Variants in SBF2 observed in about 807,000 individuals in gnomAD.
The protein encoded by SBF2 is myotubularin-related protein 13.
A neutral mutation model predicts 225.2 loss-of-function variants in SBF2; 112 were observed. The observed-to-expected ratio is 0.50, with a 90% CI of 0.43 to 0.58. The LOEUF is 0.58. Ranked by LOEUF, SBF2 falls within the 20% of genes least tolerant of loss-of-function variation. The pLI is 0.00. For missense variants in SBF2, 1,996 were observed against 2,206.2 expected (o/e 0.90, Z 1.91); for synonymous variants, 763 against 773.3 (o/e 0.99, Z 0.22).
chr11:10,134,498 T>C lies in SBF2; in HGVS notation c.141+59404A>G, dbSNP rs1167742704. Among the ~76,000 whole-genome samples, 6 of 152,230 alleles carry C rather than the reference T, an allele frequency of 3.9e-5. No homozygotes were observed. In the East Asian group the frequency reaches 7.7e-4, roughly 20 times the overall value. On this transcript the variant is annotated intron_variant, in intron 2 of 39. Transcript: ENST00000256190. The stretch of plus-strand genomic sequence containing the variant: ...AAAGTCTCATCAGAGACAAGGCAAG[T>C]CCTTTCTGCCTATGAGCCTGTAAAA...
chr11:10,242,779 T>C (rs776959719), intron 1 of SBF2, among the ~76,000 whole-genome samples: 8 of 151,508 alleles, frequency 5.3e-5, no homozygotes, highest in Non-Finnish European at 5.9e-5. Context: ...AAGGGAAAAC[T>C]GAATACAGGA....
At chr11:9,925,299 TA>T (rs200706270) in intron 16 of SBF2, among the ~76,000 whole-genome samples, 1 of 152,134 alleles carries the variant, frequency 6.6e-6, no homozygotes, top group South Asian at 2.1e-4. Flanking sequence ...TATATATATA[TA>T]TTTTTAGATG....
In SBF2 at chr11:9,817,954, A is replaced by AT. The variant is rs557534143; in HGVS notation, c.3794-931dup. Among the ~76,000 whole-genome samples the AT allele has an allele frequency of 5.4e-3, 815 of 151,868 alleles. 4 individuals are homozygous for AT. Among genetic ancestry groups the AT allele is most frequent in the African/African-American group, 7.6e-3 (313 of 41,454 alleles). On this transcript the variant is annotated intron_variant, in intron 28 of 39. Transcript: ENST00000256190. ...AGTCAGAAGCCTATATCTTTATTTT[A>AT]TTTTTTTTGAGACAGAGTTTCGCTC...
chr11:10,189,319 C>T (rs1957068378), intron 2 of SBF2, among the ~76,000 whole-genome samples: 1 of 152,162 alleles, frequency 6.6e-6, no homozygotes, highest in African/African-American at 2.4e-5. Context: ...TCTCATTCTC[C>T]TTTCAAGCAT....
chr11:10,108,411 A>T (rs904680388), intron 2 of SBF2, among the ~76,000 whole-genome samples: 2 of 151,938 alleles, frequency 1.3e-5, no homozygotes, highest in African/African-American at 2.4e-5. Flanking sequence ...TGTGTTAACT[A>T]TGAAGTGGTA....
chr11:10,073,265 A>G (rs1950965598), intron 2 of SBF2, among the ~76,000 whole-genome samples: 1 of 152,204 alleles, frequency 6.6e-6, no homozygotes, highest in African/African-American at 2.4e-5. Flanking sequence ...TGTGTTTCCT[A>G]TATCCCTTGT....
intron 1 of SBF2, among the ~76,000 whole-genome samples, chr11:10,210,299 C>A (rs1456790198): frequency 1.3e-5 from 2 of 151,150 alleles, no homozygotes; most frequent in Non-Finnish European, 2.9e-5. Flanking sequence ...CAGAGCAAGA[C>A]CCCATGCTCC....
intron 1 of SBF2, among the ~76,000 whole-genome samples, chr11:10,248,229 A>T (rs1959997708): frequency 6.6e-6 from 1 of 152,252 alleles, no homozygotes; most frequent in East Asian, 1.9e-4. Context: ...CTAAAGCTAA[A>T]GTAAAATGAC....
chr11:10,063,436 C>CA (rs1950519641), intron 2 of SBF2, among the ~76,000 whole-genome samples: 1 of 151,216 alleles, frequency 6.6e-6, no homozygotes, highest in Non-Finnish European at 1.5e-5. Context: ...CGGCTCACTG[C>CA]AAGCCCTGCC....
chr11:10,118,768 T>C (rs1953287887), intron 2 of SBF2, among the ~76,000 whole-genome samples: 1 of 151,844 alleles, frequency 6.6e-6, no homozygotes, highest in African/African-American at 2.4e-5. Flanking sequence ...TCAAAGAAAA[T>C]AAGCAATTTA....
intron 1 of SBF2, among the ~76,000 whole-genome samples, chr11:10,203,023 T>A (rs991715000): frequency 1.4e-5 from 2 of 144,328 alleles, no homozygotes; most frequent in African/African-American, 5.2e-5. Context: ...AGAGTTTCCA[T>A]GCAGGATCTA....
intron 1 of SBF2, among the ~76,000 whole-genome samples, chr11:10,258,950 G>C (rs147970705): frequency 8.0e-4 from 121 of 152,124 alleles, no homozygotes; most frequent in African/African-American, 2.6e-3. Context: ...AAAAATGAGG[G>C]GCAGGGAACA....
intron 2 of SBF2, among the ~76,000 whole-genome samples, chr11:10,136,576 T>C (rs1954365721): frequency 6.6e-6 from 1 of 152,140 alleles, no homozygotes; most frequent in African/African-American, 2.4e-5. Context: ...CTGAGGAGGA[T>C]GTTGTATGGC....
At chr11:10,223,432 T>TATAC (rs1565371439) in intron 1 of SBF2, among the ~76,000 whole-genome samples, 1 of 126,632 alleles carries the variant, frequency 7.9e-6, no homozygotes, top group Non-Finnish European at 1.8e-5. Flanking sequence ...TATATATATA[T>TATAC]ATATATATAT....
At chr11:10,049,761 G>A (rs1949997006) in intron 2 of SBF2, among the ~76,000 whole-genome samples, 1 of 152,204 alleles carries the variant, frequency 6.6e-6, no homozygotes, top group African/African-American at 2.4e-5. Context: ...GTGTTAACAT[G>A]TAACTATCCT....
intron 1 of SBF2, among the ~76,000 whole-genome samples, chr11:10,252,249 A>G (rs751223586): frequency 5.9e-5 from 9 of 152,252 alleles, no homozygotes; most frequent in Non-Finnish European, 1.2e-4. Flanking sequence ...ATCAATAACT[A>G]AAGTTTTGGT....
In SBF2 at chr11:10,001,612, C is replaced by T. The variant is rs149170694; in HGVS notation, c.753-590G>A. On this transcript the variant is annotated intron_variant, in intron 7 of 39. Transcript: ENST00000256190. ...CGATCTCGGCTCACTGCAAGCTCCG[C>T]CTCCAGGGTTCACACCATTCTCCTG... 3.9e-3 allele frequency among the ~76,000 whole-genome samples: 590 copies of T among 152,018 alleles called. 3 individuals are homozygous for T. The highest frequency in any genetic ancestry group is 0.014 in the African/African-American group (562 of 41,428).
intron 2 of SBF2, among the ~76,000 whole-genome samples, chr11:10,189,601 T>C (rs1040093015): frequency 6.6e-6 from 1 of 152,178 alleles, no homozygotes; most frequent in Non-Finnish European, 1.5e-5. Context: ...ACTGAATTCA[T>C]AGGGCAGGTA....
chr11:9,832,498 A>G, intron 26 of SBF2, 78 bp from the exon 27 acceptor site: 1 of 1,004,308 alleles, frequency 1.0e-6, no homozygotes. Flanking sequence ...GAAATGAGAG[A>G]AGAGGGAGAC....
Sources: allele counts gnomAD v4.1 joint callset (sites outside exome capture counted in the v4.1 genomes callset), GRCh38; gene constraint gnomAD v4.1.1; transcripts MANE v1.5; gene names NCBI Gene and HGNC (gene_info 2026-07-23, HGNC 2026-07-21).